LSAMP: variants seen among roughly 807,000 people sequenced by gnomAD.
LSAMP encodes the protein limbic system-associated membrane protein.
In LSAMP, 7 loss-of-function variants were observed where a neutral mutation model predicts 38.6. That is an observed-to-expected ratio of 0.18 (90% CI 0.10 to 0.34). LSAMP has a LOEUF of 0.34. Ranked by LOEUF, LSAMP falls within the 10% of genes least tolerant of loss-of-function variation. The probability of loss-of-function intolerance (pLI) is 1.00; values close to 1 mark genes in which losing one functional copy is unlikely to be tolerated. For synonymous variants in LSAMP, 154 were observed against 166.8 expected (o/e 0.92, Z 0.59); for missense variants, 313 against 420.0 (o/e 0.75, Z 2.23).
chr3:115,872,221 G>A (rs1037336459), intron 3 of LSAMP, among the ~76,000 whole-genome samples: 1 of 152,152 alleles, frequency 6.6e-6, no homozygotes, highest in Non-Finnish European at 1.5e-5. Flanking sequence ...GCATGTGTGT[G>A]TATGCTAATG....
intron 3 of LSAMP, among the ~76,000 whole-genome samples, chr3:115,979,274 G>GT (rs77744539): frequency 0.26 from 39,332 of 151,692 alleles, 5,932 homozygotes; most frequent in African/African-American, 0.43. Context: ...GCTTCCACCA[G>GT]TATTTGTTTT....
chr3:116,047,846 C>T (rs1941322601), intron 2 of LSAMP, among the ~76,000 whole-genome samples: 1 of 152,208 alleles, frequency 6.6e-6, no homozygotes, highest in South Asian at 2.1e-4. Flanking sequence ...TTAAATCTAG[C>T]TAATTAAAAA....
At chr3:115,849,376 C>G (rs1935259413) in intron 4 of LSAMP, among the ~76,000 whole-genome samples, 2 of 152,190 alleles carry the variant, frequency 1.3e-5, no homozygotes, top group Non-Finnish European at 2.9e-5. Context: ...TGTCTCTCTT[C>G]TTTACTGCTC....
At chr3:115,928,209 TCTTTTTA>T (rs1228289109) in intron 3 of LSAMP, among the ~76,000 whole-genome samples, 1 of 152,242 alleles carries the variant, frequency 6.6e-6, no homozygotes, top group Non-Finnish European at 1.5e-5. Flanking sequence ...GAATCTCTGG[TCTTTTTA>T]CTTTTTACTT....
chr3:116,140,393 A>G (rs1316565994), intron 1 of LSAMP, among the ~76,000 whole-genome samples: 1 of 151,966 alleles, frequency 6.6e-6, no homozygotes, highest in Non-Finnish European at 1.5e-5. Flanking sequence ...ATTGCTTTTT[A>G]TACAGAAAGT....
chr3:115,854,306 G>C (rs1935437307), intron 3 of LSAMP, among the ~76,000 whole-genome samples: 1 of 103,362 alleles, frequency 9.7e-6, no homozygotes, highest in Non-Finnish European at 1.9e-5. Flanking sequence ...TTTTTGAGAT[G>C]GAGTCCCGCT....
intron 1 of LSAMP, among the ~76,000 whole-genome samples, chr3:116,403,929 A>ATTT (rs397784042): frequency 1.6e-4 from 23 of 147,310 alleles, no homozygotes; most frequent in African/African-American, 4.7e-4. Context: ...TACTTTTGTA[A>ATTT]TTTTTTTTTT....
At chr3:115,856,331 C>G (rs1174448879) in intron 3 of LSAMP, among the ~76,000 whole-genome samples, 1 of 152,146 alleles carries the variant, frequency 6.6e-6, no homozygotes, top group African/African-American at 2.4e-5. Flanking sequence ...ATAAAAGAAA[C>G]TCCAGGCTGG....
intron 1 of LSAMP, among the ~76,000 whole-genome samples, chr3:116,201,728 G>A (rs921217310): frequency 6.6e-6 from 1 of 152,128 alleles, no homozygotes; most frequent in Non-Finnish European, 1.5e-5. Context: ...GTTCAAGTAC[G>A]GTGGACTTTG....
At chr3:116,270,846 T>TA (rs765292523) in intron 1 of LSAMP, among the ~76,000 whole-genome samples, 7 of 152,058 alleles carry the variant, frequency 4.6e-5, no homozygotes, top group East Asian at 3.9e-4. Context: ...CAATAAGCAG[T>TA]AAAAAAATAC....
At chr3:115,938,074 T>C (rs1308655764) in intron 3 of LSAMP, among the ~76,000 whole-genome samples, 1 of 152,150 alleles carries the variant, frequency 6.6e-6, no homozygotes, top group Non-Finnish European at 1.5e-5. Context: ...AAGACAACAG[T>C]AAAAGAATGA....
chr3:115,804,674 C>T lies in LSAMP; in HGVS notation c.*5643G>A, dbSNP rs1021149279. ...TTTTTATAAGTCTTTGCAGAAAGTT[C>T]ACTTGTTTCCTGAAATCATCTCCTT... On this transcript the variant is annotated 3_prime_UTR_variant, in exon 7 of 7. Coordinates refer to ENST00000490035, the MANE Select transcript of LSAMP (RefSeq NM_002338.5). 1.3e-5 allele frequency: 2 copies of T among 151,946 alleles called. No homozygotes were observed. The highest frequency in any genetic ancestry group is 4.8e-5 in the African/African-American group (2 of 41,346). The allele number at this position is 151,946 out of a possible 1,614,324, so 9.4% of individuals were successfully genotyped here. A position where few individuals can be genotyped will look rare whatever the true frequency, so the allele number is the denominator to read the frequency against.
At chr3:116,001,272 A>G (rs1939984303) in intron 3 of LSAMP, among the ~76,000 whole-genome samples, 1 of 152,244 alleles carries the variant, frequency 6.6e-6, no homozygotes, top group East Asian at 1.9e-4. Context: ...TTCTTTGAAT[A>G]TTAGTCACCA....
intron 1 of LSAMP, among the ~76,000 whole-genome samples, chr3:116,333,398 G>A (rs1055129870): frequency 6.6e-6 from 1 of 151,980 alleles, no homozygotes; most frequent in East Asian, 1.9e-4. Flanking sequence ...AATTAGCAAG[G>A]TGTGGTGGTG....
intron 1 of LSAMP, among the ~76,000 whole-genome samples, chr3:116,260,867 C>T (rs1300250148): frequency 6.6e-6 from 1 of 152,136 alleles, no homozygotes; most frequent in Non-Finnish European, 1.5e-5. Context: ...TAGACTTCAG[C>T]TAAGTGCTTT....
intron 1 of LSAMP, among the ~76,000 whole-genome samples, chr3:116,151,916 A>T (rs1338308236): frequency 3.3e-5 from 5 of 152,098 alleles, no homozygotes; most frequent in African/African-American, 1.2e-4. Flanking sequence ...CTCCAGCCAC[A>T]ATGAGACCAG....
At chr3:116,283,185 G>GA (rs200432019) in intron 1 of LSAMP, among the ~76,000 whole-genome samples, 7 of 146,664 alleles carry the variant, frequency 4.8e-5, no homozygotes, top group Non-Finnish European at 1.0e-4. Flanking sequence ...AGAAAGAGAG[G>GA]AAAAAAAAAG....
intron 2 of LSAMP, among the ~76,000 whole-genome samples, chr3:116,028,964 G>A (rs1476334891): frequency 2.0e-5 from 3 of 151,984 alleles, no homozygotes; most frequent in African/African-American, 7.3e-5. Context: ...CCAATAAAAA[G>A]TGACACAAAA....
At chr3:116,101,377 C>T (rs747189977) in intron 1 of LSAMP, among the ~76,000 whole-genome samples, 3 of 152,288 alleles carry the variant, frequency 2.0e-5, no homozygotes, top group Admixed American at 6.5e-5. Context: ...CTACGTTATA[C>T]TATAATAGAT....
Sources: allele counts gnomAD v4.1 joint callset (sites outside exome capture counted in the v4.1 genomes callset), GRCh38; gene constraint gnomAD v4.1.1; transcripts MANE v1.5; gene names NCBI Gene and HGNC (gene_info 2026-07-23, HGNC 2026-07-21).